ELOA2: variants seen among roughly 807,000 people sequenced by gnomAD.
The protein encoded by ELOA2 is elongin-A2.
For missense variants in ELOA2, 1,271 were observed against 979.7 expected (o/e 1.30, Z -3.97); for synonymous variants, 497 against 398.8 (o/e 1.25, Z -2.94).
rs548311298 is a variant in ELOA2 at position 47,033,014 on chromosome 18, A to T, written c.2251T>A (p.Ser751Thr). The T allele has an allele frequency of 6.2e-7, 1 of 1,614,094 alleles. No homozygotes were observed. The highest frequency in any genetic ancestry group is 1.3e-5 in the African/African-American group (1 of 75,060). The change falls in exon 1 of 1, where the codon TCC becomes ACC. Residue 751 changes from serine (S) to threonine (T), a missense_variant. Coordinates refer to ENST00000332567, the MANE Select transcript of ELOA2 (RefSeq NM_016427.3). The part of the protein sequence containing the change: ...KAIRDYKRRF[S>T]RR The stretch of plus-strand genomic sequence containing the variant: ...GGCAAGTCCTGAGTTTATCGTCGGG[A>T]GAATCTTCTCTTGTAGTCTCGAATT...
In ELOA2 at chr18:47,033,435, C is replaced by T. The variant is rs113573177; in HGVS notation, c.1830G>A (p.Arg610=). Residue 610 remains arginine (R), a synonymous_variant, in exon 1 of 1, where the codon CGG becomes CGA. Coordinates refer to ENST00000332567, the MANE Select transcript of ELOA2 (RefSeq NM_016427.3). ...GCCGCTGCTCTGGGGCGTCCGGAAG[C>T]CGCAGGTACTGCTCCCTCCAAGTTT... The part of the protein sequence containing the change: ...ENKTWREQYL[R]LPDAPEQRLR... 199 of 1,613,768 alleles carry T rather than the reference C, an allele frequency of 1.2e-4. No homozygotes were observed. The highest frequency in any genetic ancestry group is 3.3e-4 in the Middle Eastern group (2 of 6,062).
Position 47,034,851 on chromosome 18 carries a change from C to T in ELOA2, c.414G>A (p.Gly138=). 6.2e-7 allele frequency: 1 copy of T among 1,612,142 alleles called. No individual in the cohort carries two copies. The highest frequency in any genetic ancestry group is 2.2e-5 in the East Asian group (1 of 44,872). Residue 138 remains glycine (G), a synonymous_variant, in exon 1 of 1, where the codon GGG becomes GGA. Coordinates refer to ENST00000332567, the MANE Select transcript of ELOA2 (RefSeq NM_016427.3). ...HRRTARRTPP[G]QQRPHPRSHS... ...GAGACCTCGGGTGAGGTCTCTGTTG[C>T]CCCGGAGGTGTTCTGCGTGCTGTCC...
Position 47,033,787 on chromosome 18 carries a change from G to T in ELOA2, c.1478C>A (p.Ser493Tyr). The T allele has an allele frequency of 1.9e-6, 3 of 1,614,222 alleles. No homozygotes were observed. Among genetic ancestry groups the T allele is most frequent in the Non-Finnish European group, 2.5e-6 (3 of 1,180,042 alleles). ...MTSQAKPEAL[S>Y]SPKFREEAAF... ...AGCTTCCTCCCGGAACTTTGGTGAAGAGAGTGCTTCTGGCTTTGCCTGGGA... is the reference window on the plus strand; with the variant it reads ...AGCTTCCTCCCGGAACTTTGGTGAATAGAGTGCTTCTGGCTTTGCCTGGGA... Residue 493 changes from serine to tyrosine, a missense_variant, in exon 1 of 1, where the codon TCT (serine) becomes TAT (tyrosine). Ser to Tyr is a moderately radical substitution (Grantham distance 144). Transcript: ENST00000332567.
rs762910980 is a variant in ELOA2, at chr18:47,034,087, C to T, written c.1178G>A (p.Arg393Gln). The T allele has an allele frequency of 5.0e-6, 8 of 1,614,078 alleles. No individual in the cohort carries two copies. In the Admixed American group the frequency reaches 6.7e-5, roughly 13 times the overall value. ...TTTTCCAGTCTTTTTCTTTTGCTTC[C>T]GCAACTGATCGTAGGTGAGGTATTT... ...CEKYLTYDQL[R>Q]KQKKKTGKSA... is the part of the protein sequence containing the mutation. The change falls in exon 1 of 1, where the codon CGG (arginine) becomes CAG (glutamine). Residue 393 changes from arginine to glutamine, a missense_variant. Coordinates refer to ENST00000332567, the MANE Select transcript of ELOA2 (RefSeq NM_016427.3).
rs2571029 is a variant in ELOA2 at position 47,034,219 on chromosome 18, C to G, written c.1046G>C (p.Gly349Ala). Residue 349 changes from glycine (G) to alanine (A), a missense_variant, in exon 1 of 1, where the codon GGG becomes GCG. Transcript: ENST00000332567. Reference sequence around the variant, plus strand: ...GTCCAAATGAGCAGTCGGTGGCTTCCCCTCTTGAGTCTCTCGGTCGTTGGA... The same window carrying G: ...GTCCAAATGAGCAGTCGGTGGCTTCGCCTCTTGAGTCTCTCGGTCGTTGGA... ...QLSNDRETQE[G>A]KPPTAHLDRT... 14 of 1,613,770 alleles carry G rather than the reference C, an allele frequency of 8.7e-6. No homozygotes were observed. In the Admixed American group the frequency reaches 1.0e-4, roughly 12 times the overall value.
Position 47,035,542 on chromosome 18 carries a change from G to T in ELOA2, c.-278C>A. On this transcript the variant is annotated 5_prime_UTR_variant, in exon 1 of 1. Transcript: ENST00000332567. ...CCTCTGCAGTTTGCTGTGCAACAAA[G>T]AATGAAGCTCTGGTGCCAGAGCTGG... The T allele has an allele frequency of 4.6e-6, 3 of 657,268 alleles. No individual in the cohort carries two copies. The highest frequency in any genetic ancestry group is 7.8e-6 in the Non-Finnish European group (3 of 382,288). The allele number at this position is 657,268 out of a possible 1,614,324, so 40.7% of individuals were successfully genotyped here.
At position 47,033,929 on chromosome 18, in the gene ELOA2, C is replaced by T. The variant is rs3744863; in HGVS notation, c.1336G>A (p.Ala446Thr). The change falls in exon 1 of 1, where the codon GCT (alanine) becomes ACT (threonine). Residue 446 changes from alanine to threonine, a missense_variant. Ala to Thr is a moderately conservative substitution (Grantham distance 58). Coordinates refer to ENST00000332567, the MANE Select transcript of ELOA2 (RefSeq NM_016427.3). ...ACCGTTTTCGGCCCGGCGGAATCAG[C>T]GCCGGCCGCCTGCAGCCTCTCTGAC... Reference protein sequence around the residue: ...SQSERLQAAGADSAGPKTVPS... With the variant: ...SQSERLQAAGTDSAGPKTVPS... 0.48 allele frequency: 771,589 copies of T among 1,612,638 alleles called. 187,618 individuals carry two copies. Among genetic ancestry groups the T allele is most frequent in the East Asian group, 0.7 (31,307 of 44,846 alleles).
chr18:47,035,516 A>T lies in ELOA2; in HGVS notation c.-252T>A. The T allele has an allele frequency of 1.4e-6, 1 of 739,802 alleles. No individual in the cohort carries two copies. Among genetic ancestry groups the T allele is most frequent in the Non-Finnish European group, 2.2e-6 (1 of 453,272 alleles). The allele number at this position is 739,802 out of a possible 1,614,324, so 45.8% of individuals were successfully genotyped here. A position where few individuals can be genotyped will look rare whatever the true frequency, so the allele number is the denominator to read the frequency against. The stretch of plus-strand genomic sequence containing the variant: ...GGATGTGGAGCCACAGCCTGGAGTG[A>T]CCTCTGCAGTTTGCTGTGCAACAAA... On this transcript the variant is annotated 5_prime_UTR_variant, in exon 1 of 1. Transcript: ENST00000332567.
rs1472483563 is a variant in ELOA2, at chr18:47,034,387, C to T, written c.878G>A (p.Arg293His). 9.3e-6 allele frequency: 15 copies of T among 1,613,932 alleles called. No individual in the cohort carries two copies. Among genetic ancestry groups the T allele is most frequent in the African/African-American group, 4.0e-5 (3 of 74,952 alleles). The change falls in exon 1 of 1, where the codon CGT becomes CAT. Residue 293 changes from arginine (R) to histidine (H), a missense_variant. By Grantham distance (29) the Arg-to-His change is conservative. Transcript: ENST00000332567. ...KEGGQAGSGQ[R>H]VPALEEAPDS... is the part of the protein sequence containing the mutation. Reference sequence around the variant, plus strand: ...TGGAGCCTCCTCCAAGGCAGGGACACGCTGGCCGCTGCCAGCTTGCCCCCC... The same window carrying T: ...TGGAGCCTCCTCCAAGGCAGGGACATGCTGGCCGCTGCCAGCTTGCCCCCC...
chr18:47,034,889 G>A lies in ELOA2; in HGVS notation c.376C>T (p.Pro126Ser). The change falls in exon 1 of 1, where the codon CCT (proline) becomes TCT (serine). Residue 126 changes from proline (P) to serine (S), a missense_variant. Coordinates refer to ENST00000332567, the MANE Select transcript of ELOA2 (RefSeq NM_016427.3). ...ATAPRSPSHS[P>S]EHRRTARRTP... ...CTGCGTGCTGTCCGTCTGTGCTCAG[G>A]GCTGTGAGATGGGCTCCTGGGGGCC... 6.2e-7 allele frequency: 1 copy of A among 1,612,112 alleles called. No homozygotes were observed. Among genetic ancestry groups the A allele is most frequent in the Non-Finnish European group, 8.5e-7 (1 of 1,179,928 alleles).
rs1394339000 is a variant in ELOA2 at position 47,034,638 on chromosome 18, T to C, written c.627A>G (p.Pro209=). The C allele has an allele frequency of 6.2e-7, 1 of 1,614,050 alleles. No individual in the cohort carries two copies. Among genetic ancestry groups the C allele is most frequent in the Non-Finnish European group, 8.5e-7 (1 of 1,179,964 alleles). ...HAAQGGPLLC[P]GCQGQPQGKA... The stretch of plus-strand genomic sequence containing the variant: ...TCCCCTGGGGTTGGCCCTGGCAGCC[T>C]GGACACAGCAGAGGCCCGCCCTGAG... Residue 209 remains proline, a synonymous_variant, in exon 1 of 1, where the codon CCA becomes CCG. Transcript: ENST00000332567.
rs2060676621 is a variant in ELOA2 at position 47,034,715 on chromosome 18, G to T, written c.550C>A (p.Pro184Thr). Residue 184 changes from proline to threonine, a missense_variant, in exon 1 of 1, where the codon CCT becomes ACT. Physicochemically the swap from Pro to Thr is conservative, Grantham distance 38. Coordinates refer to ENST00000332567, the MANE Select transcript of ELOA2 (RefSeq NM_016427.3). ...TGCTTCCCGGGCGCAGCGGGCTCAG[G>T]GCCCTCGGGCATCCGGAGGGGAGCT... ...RTAPLRMPEG[P>T]EPAAPGKQPG... 6.2e-7 allele frequency: 1 copy of T among 1,612,992 alleles called. No individual in the cohort carries two copies. The highest frequency in any genetic ancestry group is 8.5e-7 in the Non-Finnish European group (1 of 1,179,914).
chr18:47,035,133 C>G lies in ELOA2; in HGVS notation c.132G>C (p.Leu44=). Residue 44 remains leucine (L), a synonymous_variant, in exon 1 of 1, where the codon CTG becomes CTC. Transcript: ENST00000332567. The part of the protein sequence containing the change: ...LSALPMTADI[L]AETGIRKTVK... ...CCGTCTTTCTGATTCCAGTCTCCGC[C>G]AGGATGTCTGCCGTCATGGGCAAGG... is the stretch of plus-strand genomic sequence containing the variant. 1 of 1,611,834 alleles carries G rather than the reference C, an allele frequency of 6.2e-7. No homozygotes were observed. Among genetic ancestry groups the G allele is most frequent in the Non-Finnish European group, 8.5e-7 (1 of 1,179,736 alleles).
chr18:47,033,772 C>T lies in ELOA2; in HGVS notation c.1493G>A (p.Arg498Gln), dbSNP rs138369139. 2.7e-5 allele frequency: 44 copies of T among 1,614,012 alleles called. No individual in the cohort carries two copies. The African/African-American group carries it at 3.5e-4, about 13-fold the overall frequency. ...KPEALSSPKF[R>Q]EEAAFPGRRV... ...GCGTCCAGGGAAAGCAGCTTCCTCC[C>T]GGAACTTTGGTGAAGAGAGTGCTTC... The change falls in exon 1 of 1, where the codon CGG (arginine) becomes CAG (glutamine). Residue 498 changes from arginine to glutamine, a missense_variant. By Grantham distance (43) the Arg-to-Gln change is conservative (BLOSUM62 1). Transcript: ENST00000332567.
the ELOA2 span, chr18:47,034,713 A>AG: frequency 6.2e-7 from 1 of 1,612,940 alleles, no homozygotes; most frequent in Non-Finnish European, 8.5e-7. Flanking sequence ...CAGCGGGCTC[A>AG]GGGCCCTCGG....
At position 47,033,901 on chromosome 18, in the gene ELOA2, G is replaced by A; in HGVS notation, c.1364C>T (p.Pro455Leu). ...CCAGAGCTCTGAGAAGACATGGCTG[G>A]GCACCGTTTTCGGCCCGGCGGAATC... is the stretch of plus-strand genomic sequence containing the variant. ...GADSAGPKTV[P>L]SHVFSELWDL... The change falls in exon 1 of 1, where the codon CCC becomes CTC. Residue 455 changes from proline (P) to leucine (L), a missense_variant. By Grantham distance (98) the Pro-to-Leu change is moderately conservative. Coordinates refer to ENST00000332567, the MANE Select transcript of ELOA2 (RefSeq NM_016427.3). The A allele has an allele frequency of 6.2e-7, 1 of 1,613,404 alleles. No homozygotes were observed. Among genetic ancestry groups the A allele is most frequent in the Non-Finnish European group, 8.5e-7 (1 of 1,180,014 alleles).
rs538047255 is a variant in ELOA2 at position 47,034,909 on chromosome 18, G to A, written c.356C>T (p.Pro119Leu). The A allele has an allele frequency of 6.2e-7, 1 of 1,612,028 alleles. No homozygotes were observed. Among genetic ancestry groups the A allele is most frequent in the East Asian group, 2.2e-5 (1 of 44,872 alleles). ...CTCAGGGCTGTGAGATGGGCTCCTG[G>A]GGGCCGTCGCGTTTTCTGGGAAGCC... ...AWGFPENATA[P>L]RSPSHSPEHR... The change falls in exon 1 of 1, where the codon CCC becomes CTC. Residue 119 changes from proline to leucine, a missense_variant. By Grantham distance (98) the Pro-to-Leu change is moderately conservative. Transcript: ENST00000332567.
At chr18:47,033,483 CT>C in the ELOA2 span, 2 of 1,614,186 alleles carry the variant, frequency 1.2e-6, 1 homozygote, top group South Asian at 2.2e-5. Context: ...GCTTTTCTTC[CT>C]TGAAGTCCTG....
rs1413345984 is a variant in ELOA2 at position 47,033,256 on chromosome 18, C to T, written c.2009G>A (p.Gly670Glu). The part of the protein sequence containing the change: ...KSAGDADPEN[G>E]EIKPASKPAG... The stretch of plus-strand genomic sequence containing the variant: ...GGGCTTGGAGGCTGGCTTGATCTCC[C>T]CATTTTCGGGGTCAGCGTCTCCTGC... The change falls in exon 1 of 1, where the codon GGG becomes GAG. Residue 670 changes from glycine to glutamate, a missense_variant. Transcript: ENST00000332567. The T allele has an allele frequency of 1.9e-6, 3 of 1,613,662 alleles. No homozygotes were observed. The South Asian group carries it at 3.3e-5, about 18-fold the overall frequency.
Sources: gnomAD v4.1 joint callset for allele counts on GRCh38, gnomAD v4.1.1 for gene constraint, MANE v1.5 for transcripts, NCBI Gene and HGNC (gene_info 2026-07-23, HGNC 2026-07-21) for gene names.